The following DNAAF9 variants were observed in gnomAD, a reference collection of about 807,000 sequenced individuals.
DNAAF9 encodes shulin.
DNAAF9 carries 90 observed loss-of-function variants against 167.0 expected under a neutral mutation model. The ratio of observed to expected loss-of-function variants is 0.54; its 90% CI spans 0.45 to 0.64. DNAAF9 has a LOEUF of 0.64. Ranked by LOEUF, DNAAF9 falls within the 30% of genes least tolerant of loss-of-function variation. DNAAF9 has a pLI of 0.00. For missense variants in DNAAF9, 1,315 were observed against 1,442.2 expected (o/e 0.91, Z 1.43); for synonymous variants, 491 against 508.8 (o/e 0.96, Z 0.47).
At chr20:3,298,744 G>A (rs1249888808) in intron 21 of DNAAF9, among the ~76,000 whole-genome samples, 1 of 152,086 alleles carries the variant, frequency 6.6e-6, no homozygotes, top group Non-Finnish European at 1.5e-5. Flanking sequence ...TCTGGATAAT[G>A]TCCTTTAACA....
chr20:3,323,897 TAC>T (rs1320218813), intron 14 of DNAAF9, among the ~76,000 whole-genome samples: 2 of 152,236 alleles, frequency 1.3e-5, no homozygotes, highest in African/African-American at 4.8e-5. Context: ...AAGGAGCAGA[TAC>T]AGACAGTTCC....
intron 3 of DNAAF9, among the ~76,000 whole-genome samples, chr20:3,379,861 C>G (rs917457362): frequency 1.3e-5 from 2 of 152,100 alleles, no homozygotes; most frequent in African/African-American, 4.8e-5. Flanking sequence ...AGTTCGAGAC[C>G]AGCCTGGCCA....
chr20:3,259,198 C>G (rs2068335203), intron 33 of DNAAF9, among the ~76,000 whole-genome samples: 1 of 152,194 alleles, frequency 6.6e-6, no homozygotes, highest in Admixed American at 6.5e-5. Context: ...GTGTAAGGCT[C>G]TGAACAAGAA....
intron 11 of DNAAF9, among the ~76,000 whole-genome samples, chr20:3,331,799 G>C (rs552453826): frequency 7.0e-4 from 106 of 152,274 alleles, no homozygotes; most frequent in Non-Finnish European, 1.4e-3. Flanking sequence ...TCAGCCTCCT[G>C]AGTAGCTAGG....
At chr20:3,276,175 G>GT (rs2068672822) in intron 29 of DNAAF9, among the ~76,000 whole-genome samples, 1 of 152,176 alleles carries the variant, frequency 6.6e-6, no homozygotes, top group Admixed American at 6.5e-5. Context: ...AGGACATGAA[G>GT]TATTTGTCTA....
At chr20:3,296,142 G>A in intron 23 of DNAAF9, 1 of 622,226 alleles carries the variant, frequency 1.6e-6, no homozygotes, top group Non-Finnish European at 3.1e-6. Flanking sequence ...TTAGCTTCAA[G>A]TTCTGCAACC....
At chr20:3,319,785 T>G (rs2069581807) in intron 16 of DNAAF9, among the ~76,000 whole-genome samples, 1 of 152,194 alleles carries the variant, frequency 6.6e-6, no homozygotes, top group Non-Finnish European at 1.5e-5. Context: ...TCCATATTAT[T>G]ATGATAATAG....
At chr20:3,340,454 C>CCCCCCCCAA in intron 10 of DNAAF9, 50 bp downstream of exon 10, 1 of 1,053,078 alleles carries the variant, frequency 9.5e-7, no homozygotes, top group South Asian at 2.3e-5. Flanking sequence ...ACCCCACCCC[C>CCCCCCCCAA]ACAACTTGAT....
intron 21 of DNAAF9, among the ~76,000 whole-genome samples, chr20:3,300,357 C>A (rs964327907): frequency 6.6e-6 from 1 of 152,008 alleles, no homozygotes; most frequent in African/African-American, 2.4e-5. Context: ...AATTTTTCTG[C>A]AATATTTTTC....
At chr20:3,283,930 A>G (rs759321742) in intron 27 of DNAAF9, among the ~76,000 whole-genome samples, 1 of 152,128 alleles carries the variant, frequency 6.6e-6, no homozygotes, top group South Asian at 2.1e-4. Flanking sequence ...CATTTCATTA[A>G]TTTCCATTGA....
rs2083574541 is a variant in DNAAF9 at position 3,376,297 on chromosome 20, T to C, written c.289A>G (p.Ile97Val). The change falls in exon 4 of 37, where the codon ATT becomes GTT. Residue 97 changes from isoleucine (I) to valine (V), a missense_variant. By Grantham distance (29) the Ile-to-Val change is conservative. Coordinates refer to ENST00000252032, the MANE Select transcript of DNAAF9 (RefSeq NM_001009984.3). ...ACGCTATCCGATTTAATCAATATAA[T>C]TACATCTGTAAGAAAAACAAAATCA... is the stretch of plus-strand genomic sequence containing the variant. The part of the protein sequence containing the change: ...GFSEEVLDDV[I>V]ILIKSDSVHL... 7.5e-6 allele frequency: 12 copies of C among 1,599,666 alleles called. No homozygotes were observed. The highest frequency in any genetic ancestry group is 1.0e-5 in the Non-Finnish European group (12 of 1,174,678).
intron 3 of DNAAF9, among the ~76,000 whole-genome samples, chr20:3,380,571 T>A (rs1488017976): frequency 6.6e-6 from 1 of 152,300 alleles, no homozygotes; most frequent in East Asian, 1.9e-4. Context: ...AAAAATGTCT[T>A]CAGACATTGC....
intron 20 of DNAAF9, among the ~76,000 whole-genome samples, chr20:3,307,542 C>A (rs1445308011): frequency 6.6e-6 from 1 of 152,008 alleles, no homozygotes; most frequent in East Asian, 1.9e-4. Context: ...TTCACAGGGG[C>A]CAGGGCAGCC....
intron 16 of DNAAF9, among the ~76,000 whole-genome samples, chr20:3,321,380 A>G (rs754255932): frequency 1.3e-5 from 2 of 152,194 alleles, no homozygotes; most frequent in Non-Finnish European, 2.9e-5. Context: ...ATGTTACTAT[A>G]CTGAATACTG....
At chr20:3,275,435 G>A (rs1011725773) in intron 29 of DNAAF9, among the ~76,000 whole-genome samples, 3 of 152,242 alleles carry the variant, frequency 2.0e-5, no homozygotes, top group African/African-American at 7.2e-5. Flanking sequence ...CCCAAGAAAA[G>A]GCTGGGATCT....
chr20:3,335,296 G>C (rs2069916163), intron 10 of DNAAF9, among the ~76,000 whole-genome samples: 1 of 152,080 alleles, frequency 6.6e-6, no homozygotes, highest in South Asian at 2.1e-4. Flanking sequence ...AATTCTTGTA[G>C]TTTTCGTTCA....
rs41281890 is a variant in DNAAF9, at chr20:3,343,824, T to G, written c.790-93A>C. ...ATATGTATGTATGTACACACATGCT[T>G]CAGGAGAGTGCACAGCGTGTGTGTG... On this transcript the variant is annotated intron_variant, in intron 8 of 36. Coordinates refer to ENST00000252032, the MANE Select transcript of DNAAF9 (RefSeq NM_001009984.3). The G allele has an allele frequency of 0.03, 26,937 of 906,326 alleles. 570 individuals carry two copies. The highest frequency in any genetic ancestry group is 0.086 in the African/African-American group (5,259 of 60,808). 56.1% of individuals were successfully genotyped at this position (906,326 alleles called of 1,614,324 possible).
At chr20:3,389,845 G>A (rs1197911732) in intron 1 of DNAAF9, among the ~76,000 whole-genome samples, 1 of 152,084 alleles carries the variant, frequency 6.6e-6, no homozygotes, top group Non-Finnish European at 1.5e-5. Context: ...TAACCAGCCT[G>A]GCCAACGTGG....
intron 6 of DNAAF9, among the ~76,000 whole-genome samples, chr20:3,360,500 A>G (rs1353939087): frequency 6.6e-6 from 1 of 152,156 alleles, no homozygotes; most frequent in Non-Finnish European, 1.5e-5. Flanking sequence ...AACTTTTTTT[A>G]CACAATGAAT....
Sources: gnomAD v4.1 joint callset for allele counts (sites outside exome capture counted in the v4.1 genomes callset) on GRCh38, gnomAD v4.1.1 for gene constraint, MANE v1.5 for transcripts, NCBI Gene and HGNC (gene_info 2026-07-23, HGNC 2026-07-21) for gene names.